Variants in HS6ST3 observed in about 807,000 individuals in gnomAD.
HS6ST3 encodes heparan sulfate 6-O-sulfotransferase 3.
Under a neutral mutation model 36.7 loss-of-function variants are expected in HS6ST3, and 12 were observed. The ratio of observed to expected loss-of-function variants is 0.33; its 90% CI spans 0.21 to 0.53. The LOEUF is 0.53. HS6ST3 is among the 20% of genes least tolerant of loss of function. The probability of loss-of-function intolerance (pLI) is 0.95; values close to 1 mark genes in which losing one functional copy is unlikely to be tolerated. For missense variants in HS6ST3, 584 were observed against 640.9 expected (o/e 0.91, Z 0.96); for synonymous variants, 240 against 257.5 (o/e 0.93, Z 0.65).
At chr13:96,542,223 C>T (rs1214437575) in intron 1 of HS6ST3, among the ~76,000 whole-genome samples, 2 of 152,102 alleles carry the variant, frequency 1.3e-5, no homozygotes, top group Non-Finnish European at 2.9e-5. Flanking sequence ...ACTGGACTGG[C>T]AGATGAAGGG....
intron 1 of HS6ST3, among the ~76,000 whole-genome samples, chr13:96,128,897 G>A (rs1438407041): frequency 6.6e-6 from 1 of 150,846 alleles, no homozygotes; most frequent in African/African-American, 2.5e-5. Context: ...CCAGACTGGA[G>A]TGCATTGGGG....
At position 96,762,698 on chromosome 13, in the gene HS6ST3, GC is replaced by G. The variant is rs368716006; in HGVS notation, c.708-69791del. ...AAAATTAACAAACGGTTGTTCATTG[GC>G]TCAAGGGCTCTTATCAAGACTGCTT... On this transcript the variant is annotated intron_variant, in intron 1 of 1. Transcript: ENST00000376705. 5.6e-4 allele frequency among the ~76,000 whole-genome samples: 85 copies of G among 152,224 alleles called. 2 individuals carry two copies. The South Asian group carries it at 0.017, about 31-fold the overall frequency.
chr13:96,705,934 C>G (rs1195613376), intron 1 of HS6ST3, among the ~76,000 whole-genome samples: 4 of 152,178 alleles, frequency 2.6e-5, no homozygotes, highest in African/African-American at 9.7e-5. Flanking sequence ...GGACAAACAA[C>G]TCTCACTGGC....
At chr13:96,273,507 C>A (rs2054731442) in intron 1 of HS6ST3, among the ~76,000 whole-genome samples, 1 of 151,918 alleles carries the variant, frequency 6.6e-6, no homozygotes, top group African/African-American at 2.4e-5. Flanking sequence ...CAGGTATAAA[C>A]CAGAACTGTT....
intron 1 of HS6ST3, among the ~76,000 whole-genome samples, chr13:96,108,683 C>T (rs1047872133): frequency 6.6e-6 from 1 of 151,984 alleles, no homozygotes; most frequent in African/African-American, 2.4e-5. Context: ...TAGAAAAGAA[C>T]CCATGTTAAA....
At chr13:96,629,578 A>G (rs1304635030) in intron 1 of HS6ST3, among the ~76,000 whole-genome samples, 2 of 152,112 alleles carry the variant, frequency 1.3e-5, no homozygotes, top group African/African-American at 4.8e-5. Flanking sequence ...TCTGGCCTCT[A>G]TTGTGTTGAG....
At chr13:96,621,603 T>C (rs1381117541) in intron 1 of HS6ST3, among the ~76,000 whole-genome samples, 1 of 152,192 alleles carries the variant, frequency 6.6e-6, no homozygotes, top group African/African-American at 2.4e-5. Context: ...AAGACTGACC[T>C]TCTTCAAGGT....
At chr13:96,136,438 A>G (rs1861328177) in intron 1 of HS6ST3, among the ~76,000 whole-genome samples, 2 of 152,046 alleles carry the variant, frequency 1.3e-5, no homozygotes, top group African/African-American at 4.8e-5. Context: ...ACCAGGACCA[A>G]GAGAGAGAAG....
At chr13:96,733,570 G>A (rs1385317987) in intron 1 of HS6ST3, among the ~76,000 whole-genome samples, 3 of 152,092 alleles carry the variant, frequency 2.0e-5, no homozygotes, top group Non-Finnish European at 4.4e-5. Flanking sequence ...ATCAAGACAC[G>A]TAAACATGAT....
intron 1 of HS6ST3, among the ~76,000 whole-genome samples, chr13:96,717,193 G>A (rs1479858229): frequency 3.3e-5 from 5 of 152,206 alleles, no homozygotes; most frequent in Non-Finnish European, 7.3e-5. Flanking sequence ...GAGAGAGAAA[G>A]TATAGTTTTA....
intron 1 of HS6ST3, among the ~76,000 whole-genome samples, chr13:96,694,553 C>G (rs984372454): frequency 6.6e-6 from 1 of 152,008 alleles, no homozygotes; most frequent in African/African-American, 2.4e-5. Flanking sequence ...TGGGTATATA[C>G]CCAGTAATGG....
At chr13:96,410,471 TA>T (rs1044872218) in intron 1 of HS6ST3, among the ~76,000 whole-genome samples, 1 of 151,852 alleles carries the variant, frequency 6.6e-6, no homozygotes, top group Non-Finnish European at 1.5e-5. Flanking sequence ...TGATATGAAT[TA>T]AAAAAAATAC....
intron 1 of HS6ST3, among the ~76,000 whole-genome samples, chr13:96,446,393 T>C (rs1166610445): frequency 2.0e-5 from 3 of 152,178 alleles, no homozygotes; most frequent in Non-Finnish European, 2.9e-5. Flanking sequence ...AACACCTTCA[T>C]GTATGCAGCT....
intron 1 of HS6ST3, among the ~76,000 whole-genome samples, chr13:96,648,295 C>G (rs943045618): frequency 6.6e-6 from 1 of 152,026 alleles, no homozygotes; most frequent in African/African-American, 2.4e-5. Context: ...CCAACCATCT[C>G]TCACCAAACT....
At chr13:96,425,020 G>A (rs888406750) in intron 1 of HS6ST3, among the ~76,000 whole-genome samples, 1 of 152,126 alleles carries the variant, frequency 6.6e-6, no homozygotes, top group Admixed American at 6.5e-5. Flanking sequence ...GAGAAGTTGT[G>A]GTTTGCTGAT....
intron 1 of HS6ST3, among the ~76,000 whole-genome samples, chr13:96,425,454 T>C (rs1032501150): frequency 1.3e-5 from 2 of 152,226 alleles, no homozygotes; most frequent in Non-Finnish European, 2.9e-5. Flanking sequence ...ATACACAGGC[T>C]TCATTACTAA....
chr13:96,419,947 T>C (rs1313070918), intron 1 of HS6ST3, among the ~76,000 whole-genome samples: 2 of 152,180 alleles, frequency 1.3e-5, no homozygotes, highest in Non-Finnish European at 2.9e-5. Flanking sequence ...TATTCACAAG[T>C]ACTAAGGGAT....
At chr13:96,247,533 A>C (rs112685595) in intron 1 of HS6ST3, among the ~76,000 whole-genome samples, 1 of 152,050 alleles carries the variant, frequency 6.6e-6, no homozygotes, top group Non-Finnish European at 1.5e-5. Context: ...TTTGCCTTCC[A>C]CCAAATGATT....
chr13:96,735,852 G>C (rs529306805), intron 1 of HS6ST3, among the ~76,000 whole-genome samples: 7 of 152,272 alleles, frequency 4.6e-5, no homozygotes, highest in Admixed American at 4.6e-4. Context: ...TTGAAACCAA[G>C]TGGTATGTAT....
Sources: allele counts gnomAD v4.1 joint callset (sites outside exome capture counted in the v4.1 genomes callset), GRCh38; gene constraint gnomAD v4.1.1; transcripts MANE v1.5; gene names NCBI Gene and HGNC (gene_info 2026-07-23, HGNC 2026-07-21).